Variants in CADPS2 observed in about 807,000 individuals in gnomAD.
The protein encoded by CADPS2 is calcium-dependent secretion activator 2.
Under a neutral mutation model 172.5 loss-of-function variants are expected in CADPS2, and 93 were observed. The ratio of observed to expected loss-of-function variants is 0.54; its 90% CI spans 0.46 to 0.64. CADPS2 has a LOEUF of 0.64. Ranked by LOEUF, CADPS2 falls within the 30% of genes least tolerant of loss-of-function variation. CADPS2 has a pLI of 0.00. For synonymous variants in CADPS2, 546 were observed against 555.2 expected (o/e 0.98, Z 0.23); for missense variants, 1,420 against 1,565.9 (o/e 0.91, Z 1.57).
intron 1 of CADPS2, among the ~76,000 whole-genome samples, chr7:122,740,257 T>C (rs142357706): frequency 1.1e-4 from 17 of 152,298 alleles, no homozygotes; most frequent in African/African-American, 3.6e-4. Flanking sequence ...GAAATTTATG[T>C]CCACACAAAT....
At position 122,797,589 on chromosome 7, in the gene CADPS2, T is replaced by C. The variant is rs139646700; in HGVS notation, c.340-60521A>G. Among the ~76,000 whole-genome samples, 15 of 152,232 alleles carry C rather than the reference T, an allele frequency of 9.9e-5. No homozygotes were observed. The East Asian group carries it at 2.7e-3, about 27-fold the overall frequency. On this transcript the variant is annotated intron_variant, in intron 1 of 29. Transcript: ENST00000449022. ...GAGGCCATTATCCTTAGCAAACTAA[T>C]GCAGGAATGGAAAACTAAATACCAC... is the stretch of plus-strand genomic sequence containing the variant.
intron 24 of CADPS2, among the ~76,000 whole-genome samples, chr7:122,380,841 T>C (rs1024933283): frequency 1.3e-5 from 2 of 152,034 alleles, no homozygotes; most frequent in African/African-American, 4.8e-5. Context: ...CCCCAGAGGA[T>C]AAATGGAATT....
At chr7:122,444,201 T>C (rs2051798431) in intron 15 of CADPS2, among the ~76,000 whole-genome samples, 1 of 152,280 alleles carries the variant, frequency 6.6e-6, no homozygotes, top group East Asian at 1.9e-4. Context: ...GCATACACTG[T>C]GTATCTATTC....
intron 28 of CADPS2, among the ~76,000 whole-genome samples, chr7:122,327,298 G>A (rs2034062860): frequency 6.6e-6 from 1 of 152,026 alleles, no homozygotes; most frequent in African/African-American, 2.4e-5. Flanking sequence ...TCACTCACAA[G>A]TATTGGTGAT....
intron 6 of CADPS2, among the ~76,000 whole-genome samples, chr7:122,600,412 T>C (rs1157313505): frequency 2.6e-5 from 4 of 152,078 alleles, no homozygotes; most frequent in African/African-American, 9.7e-5. Flanking sequence ...AAAATGTTAA[T>C]GATGAAATTT....
At chr7:122,527,617 AGTGTGT>A (rs59653845) in intron 8 of CADPS2, among the ~76,000 whole-genome samples, 2,602 of 83,450 alleles carry the variant, frequency 0.031, 72 homozygotes, top group African/African-American at 0.09. Context: ...AGAGAGAGAG[AGTGTGT>A]GTGTGTGTGT....
At chr7:122,828,530 T>C (rs920377381) in intron 1 of CADPS2, among the ~76,000 whole-genome samples, 1 of 152,196 alleles carries the variant, frequency 6.6e-6, no homozygotes, top group Non-Finnish European at 1.5e-5. Context: ...TCTTGAGTAT[T>C]ATATGGCACT....
At chr7:122,850,713 G>A (rs1813331859) in intron 1 of CADPS2, among the ~76,000 whole-genome samples, 1 of 152,180 alleles carries the variant, frequency 6.6e-6, no homozygotes, top group South Asian at 2.1e-4. Flanking sequence ...AGAGAGAAGA[G>A]CAGGCTGGAG....
rs113537893 is a variant in CADPS2, at chr7:122,588,547, A to G, written c.1224-7257T>C. 3.3e-3 allele frequency among the ~76,000 whole-genome samples: 508 copies of G among 152,130 alleles called. 5 individuals carry two copies. The highest frequency in any genetic ancestry group is 0.012 in the African/African-American group (488 of 41,546). On this transcript the variant is annotated intron_variant, in intron 6 of 29. Coordinates refer to ENST00000449022, the MANE Select transcript of CADPS2 (RefSeq NM_017954.11). ...AAATTATCCTTCTTAAAATTTAGCC[A>G]TTTTAAGATTAAAATGATATAACAG... is the stretch of plus-strand genomic sequence containing the variant.
intron 1 of CADPS2, among the ~76,000 whole-genome samples, chr7:122,803,586 C>A (rs1798110748): frequency 1.3e-5 from 2 of 152,166 alleles, no homozygotes; most frequent in South Asian, 4.1e-4. Context: ...GAGCTTGTGG[C>A]TTGGCAGCTC....
intron 27 of CADPS2, among the ~76,000 whole-genome samples, chr7:122,350,826 A>G (rs1424037644): frequency 1.3e-5 from 2 of 151,616 alleles, no homozygotes; most frequent in African/African-American, 4.8e-5. Flanking sequence ...CCTGTATAAA[A>G]AAGTAAAAAA....
At chr7:122,637,913 A>C (rs375261369) in intron 3 of CADPS2, among the ~76,000 whole-genome samples, 1 of 152,174 alleles carries the variant, frequency 6.6e-6, no homozygotes, top group African/African-American at 2.4e-5. Flanking sequence ...CTTAGGTTTC[A>C]CAGGTGCTGT....
At chr7:122,784,972 C>T (rs915623979) in intron 1 of CADPS2, among the ~76,000 whole-genome samples, 3 of 152,126 alleles carry the variant, frequency 2.0e-5, no homozygotes, top group East Asian at 3.8e-4. Context: ...TCCCTGGAAT[C>T]AAATCTCCAA....
At chr7:122,856,825 T>C (rs1019637189) in intron 1 of CADPS2, among the ~76,000 whole-genome samples, 1 of 152,242 alleles carries the variant, frequency 6.6e-6, no homozygotes, top group Non-Finnish European at 1.5e-5. Context: ...ACATCTTTAA[T>C]ATGATTTCAA....
At chr7:122,743,898 T>C (rs776280885) in intron 1 of CADPS2, among the ~76,000 whole-genome samples, 1 of 152,156 alleles carries the variant, frequency 6.6e-6, no homozygotes, top group Admixed American at 6.6e-5. Context: ...AATAGGGGGT[T>C]CCAGCTACGT....
intron 6 of CADPS2, among the ~76,000 whole-genome samples, chr7:122,583,237 A>G (rs1339766498): frequency 1.3e-5 from 2 of 152,026 alleles, no homozygotes; most frequent in Non-Finnish European, 2.9e-5. Flanking sequence ...TTTTTATACA[A>G]TGATATATTT....
intron 1 of CADPS2, among the ~76,000 whole-genome samples, chr7:122,760,054 GAAT>G (rs1026450465): frequency 3.3e-5 from 5 of 151,172 alleles, no homozygotes; most frequent in Admixed American, 6.6e-5. Flanking sequence ...ATAGTACAAT[GAAT>G]AATTTTACAC....
At chr7:122,446,208 C>T (rs2052173100) in intron 15 of CADPS2, among the ~76,000 whole-genome samples, 1 of 152,096 alleles carries the variant, frequency 6.6e-6, no homozygotes. Context: ...CTCAGTTTTG[C>T]TTGGTTGGCT....
At chr7:122,681,380 C>T (rs905902739) in intron 2 of CADPS2, 2 of 1,494,908 alleles carry the variant, frequency 1.3e-6, no homozygotes, top group African/African-American at 1.4e-5. Context: ...AACCTGTTCG[C>T]TGTACTAACT....
Sources: allele counts gnomAD v4.1 joint callset (sites outside exome capture counted in the v4.1 genomes callset), GRCh38; gene constraint gnomAD v4.1.1; transcripts MANE v1.5; gene names NCBI Gene and HGNC (gene_info 2026-07-23, HGNC 2026-07-21).